The following SLC14A1 variants were observed in gnomAD, a reference collection of about 807,000 sequenced individuals.
SLC14A1 encodes solute carrier family 14 member 1 (Kidd blood group).
In SLC14A1, 36 loss-of-function variants were observed where a neutral mutation model predicts 39.6. That is an observed-to-expected ratio of 0.91 (90% CI 0.70 to 1.20). SLC14A1 has a LOEUF of 1.20. Among genes scored for constraint, SLC14A1 ranks in the 50% most tolerant of loss-of-function variants. SLC14A1 has a pLI of 0.00. For synonymous variants in SLC14A1, 164 were observed against 173.6 expected (o/e 0.94, Z 0.43); for missense variants, 469 against 478.7 (o/e 0.98, Z 0.19).
intron 2 of SLC14A1, chr18:45,727,391 G>A (rs948637471): frequency 1.3e-6 from 2 of 1,549,670 alleles, no homozygotes; most frequent in Admixed American, 2.0e-5. Flanking sequence ...GGCTAAGCTT[G>A]GCCCTGGCAG....
chr18:45,734,523 T>C, intron 5 of SLC14A1, 121 bp downstream of exon 5: 1 of 1,027,430 alleles, frequency 9.7e-7, no homozygotes, highest in Admixed American at 1.9e-5. Flanking sequence ...TCTCTGAATG[T>C]ATAGTGGTGA....
At chr18:45,728,656 G>T (rs1228996981) in intron 2 of SLC14A1, among the ~76,000 whole-genome samples, 2 of 152,130 alleles carry the variant, frequency 1.3e-5, no homozygotes, top group African/African-American at 2.4e-5. Context: ...TTTCATAAGT[G>T]CTTAATTATT....
rs749878554 is a variant in SLC14A1, at chr18:45,750,432, A to G, written c.*481A>G. Reference sequence around the variant, plus strand: ...TTTTTTTTAAATCAATGCAAGTTACACATTATAGCCAGAATCTGTATCACA... The same window carrying G: ...TTTTTTTTAAATCAATGCAAGTTACGCATTATAGCCAGAATCTGTATCACA... On this transcript the variant is annotated 3_prime_UTR_variant, in exon 10 of 10. Coordinates refer to ENST00000321925, the MANE Select transcript of SLC14A1 (RefSeq NM_015865.7). The G allele has an allele frequency of 3.0e-5, 32 of 1,078,350 alleles. No homozygotes were observed. Among genetic ancestry groups the G allele is most frequent in the Admixed American group, 5.0e-5 (1 of 20,162 alleles). 66.8% of individuals were successfully genotyped at this position (1,078,350 alleles called of 1,614,324 possible). A position where few individuals can be genotyped will look rare whatever the true frequency, so the allele number is the denominator to read the frequency against.
At chr18:45,744,153 C>G (rs2047474889) in intron 8 of SLC14A1, among the ~76,000 whole-genome samples, 1 of 152,156 alleles carries the variant, frequency 6.6e-6, no homozygotes, top group Admixed American at 6.5e-5. Context: ...GCTGGGATTA[C>G]AGACATGCAC....
chr18:45,750,837 G>T lies in SLC14A1; in HGVS notation c.*886G>T. 3.0e-6 allele frequency: 3 copies of T among 984,986 alleles called. No individual in the cohort carries two copies. The highest frequency in any genetic ancestry group is 3.6e-6 in the Non-Finnish European group (3 of 829,632). The allele number at this position is 984,986 out of a possible 1,614,324, so 61.0% of individuals were successfully genotyped here. A position where few individuals can be genotyped will look rare whatever the true frequency, so the allele number is the denominator to read the frequency against. ...AATTGATTTTGTAAATGCCACAAAT[G>T]CATAGAATTGTTACCAACCTCCAAA... On this transcript the variant is annotated 3_prime_UTR_variant, in exon 10 of 10. Transcript: ENST00000321925.
chr18:45,736,309 C>A (rs1044770532), intron 5 of SLC14A1, 147 bp from the exon 6 acceptor site: 2 of 731,004 alleles, frequency 2.7e-6, no homozygotes, highest in African/African-American at 3.5e-5. Flanking sequence ...TAGGATTTAT[C>A]CCAAGTTTTC....
In SLC14A1 at chr18:45,738,340, A is replaced by G. The variant is rs562420361; in HGVS notation, c.664-823A>G. On this transcript the variant is annotated intron_variant, in intron 6 of 9. Transcript: ENST00000321925. Reference sequence around the variant, plus strand: ...TGGCCTTGCTCAAAAGGGACATGCTATGGCTAATTATGCCTATCCTAGCCC... The same window carrying G: ...TGGCCTTGCTCAAAAGGGACATGCTGTGGCTAATTATGCCTATCCTAGCCC... 1.5e-4 allele frequency among the ~76,000 whole-genome samples: 23 copies of G among 152,350 alleles called. 1 individual carries two copies. In the South Asian group the frequency reaches 4.6e-3, roughly 30 times the overall value.
chr18:45,727,726 C>T (rs775748864), intron 2 of SLC14A1, among the ~76,000 whole-genome samples: 1 of 152,164 alleles, frequency 6.6e-6, no homozygotes, highest in African/African-American at 2.4e-5. Flanking sequence ...AAATTAATGG[C>T]CTGCTTCACT....
rs769340452 is a variant in SLC14A1, at chr18:45,736,443, GTTC to G, written c.471-10_471-8del. The G allele has an allele frequency of 5.9e-4, 949 of 1,613,870 alleles. No homozygotes were observed. The highest frequency in any genetic ancestry group is 7.4e-4 in the Non-Finnish European group (868 of 1,179,884). On this transcript the variant is annotated splice_polypyrimidine_tract_variant and intron_variant, in intron 5 of 9. Coordinates refer to ENST00000321925, the MANE Select transcript of SLC14A1 (RefSeq NM_015865.7). ...TGTCACATGCACATTCTTTTGCTCT[GTTC>G]TTTTTTTAGCCCAATTTTCTCAAGT...
chr18:45,748,458 G>C (rs377318084), intron 9 of SLC14A1, 33 bp downstream of exon 9: 3 of 1,608,474 alleles, frequency 1.9e-6, no homozygotes, highest in African/African-American at 2.7e-5. Flanking sequence ...TTTCATTAGC[G>C]TAATTGACCA....
chr18:45,736,292 T>C (rs1305994513), intron 5 of SLC14A1, among the ~76,000 whole-genome samples, 164 bp from the exon 6 acceptor site: 2 of 152,198 alleles, frequency 1.3e-5, no homozygotes, highest in South Asian at 2.1e-4. Flanking sequence ...ATTTACTGCC[T>C]CTATAATAGG....
At position 45,739,512 on chromosome 18, in the gene SLC14A1, C is replaced by T. The variant is rs761021496; in HGVS notation, c.812-16C>T. 30 of 1,614,016 alleles carry T rather than the reference C, an allele frequency of 1.9e-5. 1 individual carries two copies. The South Asian group carries it at 3.2e-4, about 17-fold the overall frequency. ...CTGCCTTTAGTCCTGAGTTCTGACC[C>T]CTCCTGTCTTAACAGGACTCAGTCT... On this transcript the variant is annotated splice_polypyrimidine_tract_variant and intron_variant, in intron 7 of 9. Transcript: ENST00000321925.
Position 45,734,363 on chromosome 18 carries a change from G to C in SLC14A1, c.431G>C (p.Trp144Ser), listed in dbSNP as rs1219730819. The C allele has an allele frequency of 6.2e-7, 1 of 1,613,738 alleles. No homozygotes were observed. The highest frequency in any genetic ancestry group is 8.5e-7 in the Non-Finnish European group (1 of 1,179,960). Reference protein sequence around the residue: ...AVFSDKGDYFWWLLLPVCAMS... With the variant: ...AVFSDKGDYFSWLLLPVCAMS... Reference sequence around the variant, plus strand: ...TTTTCGGACAAGGGAGACTATTTCTGGTGGCTGTTACTCCCTGTATGTGCT... The same window carrying C: ...TTTTCGGACAAGGGAGACTATTTCTCGTGGCTGTTACTCCCTGTATGTGCT... Residue 144 changes from tryptophan (W) to serine (S), a missense_variant, in exon 5 of 10, where the codon TGG (tryptophan) becomes TCG (serine). By Grantham distance (177) the Trp-to-Ser change is radical (BLOSUM62 -3). Coordinates refer to ENST00000321925, the MANE Select transcript of SLC14A1 (RefSeq NM_015865.7).
At chr18:45,728,212 T>A (rs955961620) in intron 2 of SLC14A1, among the ~76,000 whole-genome samples, 3 of 152,204 alleles carry the variant, frequency 2.0e-5, no homozygotes, top group African/African-American at 7.2e-5. Flanking sequence ...CTCAATCACG[T>A]CTGGCCAGTT....
chr18:45,750,234 C>T lies in SLC14A1; in HGVS notation c.*283C>T, dbSNP rs932105172. The stretch of plus-strand genomic sequence containing the variant: ...TGTATATAAAGTCAAAGTGCTCCAA[C>T]AGAAGGAGGAAGTGAAAACAAACTA... On this transcript the variant is annotated 3_prime_UTR_variant, in exon 10 of 10. Transcript: ENST00000321925. 8 of 1,349,930 alleles carry T rather than the reference C, an allele frequency of 5.9e-6. No individual in the cohort carries two copies. In the Admixed American group the frequency reaches 1.6e-4, roughly 27 times the overall value. The allele number at this position is 1,349,930 out of a possible 1,614,324, so 83.6% of individuals were successfully genotyped here.
chr18:45,734,957 T>C (rs964339695), intron 5 of SLC14A1, among the ~76,000 whole-genome samples: 2 of 152,230 alleles, frequency 1.3e-5, no homozygotes, highest in African/African-American at 2.4e-5. Context: ...TTTTGTCTGA[T>C]CTGGCTACAC....
chr18:45,746,033 G>A (rs2047534798), intron 8 of SLC14A1, among the ~76,000 whole-genome samples: 1 of 152,224 alleles, frequency 6.6e-6, no homozygotes, highest in Admixed American at 6.5e-5. Context: ...AGGAAACTCT[G>A]ACAGAACCTG....
At chr18:45,737,927 T>C (rs2047245015) in intron 6 of SLC14A1, among the ~76,000 whole-genome samples, 1 of 152,168 alleles carries the variant, frequency 6.6e-6, no homozygotes, top group African/African-American at 2.4e-5. Context: ...GAACAGCCCA[T>C]CCTCAGCACC....
chr18:45,737,986 A>AAAAC (rs953758609), intron 6 of SLC14A1, among the ~76,000 whole-genome samples: 32 of 152,334 alleles, frequency 2.1e-4, no homozygotes, highest in African/African-American at 6.3e-4. Flanking sequence ...GCCAAGTCCA[A>AAAAC]AAACAAACAA....
Sources: allele counts gnomAD v4.1 joint callset (sites outside exome capture counted in the v4.1 genomes callset), GRCh38; gene constraint gnomAD v4.1.1; transcripts MANE v1.5; gene names NCBI Gene and HGNC (gene_info 2026-07-23, HGNC 2026-07-21).